SUMF1: variants seen among roughly 807,000 people sequenced by gnomAD.
SUMF1 encodes the protein sulfatase modifying factor 1, also known as formylglycine-generating enzyme.
SUMF1 carries 48 observed loss-of-function variants against 47.6 expected under a neutral mutation model. The ratio of observed to expected loss-of-function variants is 1.01; its 90% CI spans 0.80 to 1.28. The LOEUF is 1.28. Ranked by LOEUF, SUMF1 falls within the 50% of genes most tolerant of loss-of-function variation. The pLI, the probability that SUMF1 is intolerant of heterozygous loss-of-function variation, is 0.00. For synonymous variants in SUMF1, 230 were observed against 192.1 expected, an observed-to-expected ratio of 1.20 and a Z score of -1.63; for missense variants, 571 against 485.4, an observed-to-expected ratio of 1.18 and a Z score of -1.66.
chr3:4,128,941 G>T (rs968661618), intron 8 of SUMF1, among the ~76,000 whole-genome samples: 2 of 152,084 alleles, frequency 1.3e-5, no homozygotes, highest in Non-Finnish European at 1.5e-5. Context: ...ATTGAAAGAT[G>T]ACCTACTGTG....
intron 8 of SUMF1, among the ~76,000 whole-genome samples, chr3:4,077,595 G>C (rs577800084): frequency 3.0e-4 from 45 of 152,204 alleles, no homozygotes; most frequent in Non-Finnish European, 1.2e-4. Context: ...TCATAAGTGG[G>C]AGTTCAACAA....
intron 8 of SUMF1, among the ~76,000 whole-genome samples, chr3:4,276,228 C>T (rs1697413601): frequency 6.6e-6 from 1 of 152,090 alleles, no homozygotes. Flanking sequence ...TGGGAATGGA[C>T]AGATAATAAT....
chr3:4,318,257 C>A (rs2637544), intron 8 of SUMF1, among the ~76,000 whole-genome samples: 152,322 of 152,322 alleles, frequency 1, 76,161 homozygotes, highest in Non-Finnish European at 1. Flanking sequence ...CACTGTGATC[C>A]ATTGGGATTT....
intron 7 of SUMF1, among the ~76,000 whole-genome samples, chr3:4,380,456 A>G (rs1170469393): frequency 2.0e-5 from 3 of 152,218 alleles, no homozygotes; most frequent in African/African-American, 7.2e-5. Flanking sequence ...ATGCGGACTG[A>G]AAAACTACAT....
chr3:4,442,317 G>A (rs1252784187), intron 3 of SUMF1, among the ~76,000 whole-genome samples: 2 of 150,224 alleles, frequency 1.3e-5, no homozygotes, highest in Admixed American at 6.6e-5. Flanking sequence ...GTGCGGTGGC[G>A]CGATCTCGGC....
chr3:4,335,962 A>AAAAAAACAAAAAAC (rs1255921356), intron 8 of SUMF1, among the ~76,000 whole-genome samples: 31 of 143,950 alleles, frequency 2.2e-4, no homozygotes, highest in African/African-American at 8.2e-4. Context: ...TTCCAACTCA[A>AAAAAAACAAAAAAC]AAAAAAAAAA....
chr3:4,456,772 A>ACATATATACGTGTGTGTGTATATATACG (rs2125148407), intron 1 of SUMF1, among the ~76,000 whole-genome samples: 1 of 47,870 alleles, frequency 2.1e-5, no homozygotes, highest in Admixed American at 2.0e-4. Context: ...GTATATATAC[A>ACATATATACGTGTGTGTGTATATATACG]CATATATACG....
intron 8 of SUMF1, among the ~76,000 whole-genome samples, chr3:4,098,043 G>A (rs10510284): frequency 0.032 from 4,864 of 152,114 alleles, 269 homozygotes; most frequent in African/African-American, 0.11. Flanking sequence ...CAATGTCTCC[G>A]CTGAAATGCC....
chr3:4,034,739 TTGA>T (rs1326750983), intron 9 of SUMF1, among the ~76,000 whole-genome samples: 7 of 151,832 alleles, frequency 4.6e-5, no homozygotes, highest in South Asian at 4.2e-4. Context: ...TCACAGGCAA[TTGA>T]TGAACTACAA....
chr3:4,458,749 C>G (rs910524876), intron 1 of SUMF1, among the ~76,000 whole-genome samples: 4 of 151,822 alleles, frequency 2.6e-5, no homozygotes, highest in African/African-American at 9.7e-5. Flanking sequence ...CCAGCTACTC[C>G]GGAGGCTGAG....
chr3:4,243,371 TCTTTCTTG>T (rs2124999598), intron 8 of SUMF1, among the ~76,000 whole-genome samples: 1 of 152,354 alleles, frequency 6.6e-6, no homozygotes, highest in Admixed American at 6.5e-5. Flanking sequence ...CGATTTTAGA[TCTTTCTTG>T]CTTTCTCTTG....
intron 8 of SUMF1, among the ~76,000 whole-genome samples, chr3:4,103,094 TG>T (rs1693074422): frequency 6.6e-6 from 1 of 151,764 alleles, no homozygotes; most frequent in African/African-American, 2.4e-5. Context: ...GGCTAATTTT[TG>T]TATTTTTACT....
At chr3:4,103,066 G>A (rs1165955770) in intron 8 of SUMF1, among the ~76,000 whole-genome samples, 2 of 151,602 alleles carry the variant, frequency 1.3e-5, no homozygotes, top group African/African-American at 4.9e-5. Context: ...GGGATTACAG[G>A]TGCCTGCCAC....
intron 8 of SUMF1, among the ~76,000 whole-genome samples, chr3:4,186,791 C>T (rs1230792337): frequency 6.6e-6 from 1 of 152,046 alleles, no homozygotes; most frequent in Non-Finnish European, 1.5e-5. Context: ...TTCAATTGCC[C>T]TTTTGTGTGA....
At chr3:4,126,354 T>C (rs186061526) in intron 8 of SUMF1, among the ~76,000 whole-genome samples, 7 of 152,244 alleles carry the variant, frequency 4.6e-5, no homozygotes, top group Admixed American at 3.9e-4. Context: ...ATTTAGCTTT[T>C]CCTCTTTCTT....
chr3:4,427,500 A>G (rs1702105159), intron 3 of SUMF1, among the ~76,000 whole-genome samples: 1 of 152,252 alleles, frequency 6.6e-6, no homozygotes, highest in South Asian at 2.1e-4. Flanking sequence ...TGAGGCTTGA[A>G]TAAAGGCTAA....
chr3:4,338,604 G>C (rs1253908948), intron 8 of SUMF1, among the ~76,000 whole-genome samples: 1 of 152,118 alleles, frequency 6.6e-6, no homozygotes. Flanking sequence ...TTACATTCTG[G>C]AGAAATCAGG....
chr3:4,135,741 A>C (rs939231523), intron 8 of SUMF1, among the ~76,000 whole-genome samples: 29 of 152,210 alleles, frequency 1.9e-4, no homozygotes, highest in Non-Finnish European at 3.7e-4. Context: ...ATCTCAGCCC[A>C]AAATCTCCTT....
At chr3:4,185,724 A>G (rs1030709314) in intron 8 of SUMF1, among the ~76,000 whole-genome samples, 12 of 152,348 alleles carry the variant, frequency 7.9e-5, no homozygotes, top group East Asian at 3.9e-4. Flanking sequence ...TGAGATAGTG[A>G]GAGTATAATT....
Sources: allele counts gnomAD v4.1 joint callset (sites outside exome capture counted in the v4.1 genomes callset), GRCh38; gene constraint gnomAD v4.1.1; transcripts MANE v1.5; gene names NCBI Gene and HGNC (gene_info 2026-07-23, HGNC 2026-07-21).